ASIC2: variants seen among roughly 807,000 people sequenced by gnomAD.
ASIC2 encodes the protein acid-sensing ion channel 2.
ASIC2 carries 25 observed loss-of-function variants against 57.3 expected under a neutral mutation model. That is an observed-to-expected ratio of 0.44 (90% confidence interval 0.32 to 0.61). The LOEUF (loss-of-function observed/expected upper bound fraction) is 0.61, where lower values mean the gene tolerates loss of function less well. Ranked by LOEUF, ASIC2 falls within the 20% of genes least tolerant of loss-of-function variation. ASIC2 has a pLI of 0.06. For missense variants in ASIC2, 641 were observed against 738.1 expected, an observed-to-expected ratio of 0.87 and a Z score of 1.52; for synonymous variants, 319 against 307.5, an observed-to-expected ratio of 1.04 and a Z score of -0.39.
At chr17:33,274,864 T>C (rs1227979767) in intron 1 of ASIC2, among the ~76,000 whole-genome samples, 1 of 152,188 alleles carries the variant, frequency 6.6e-6, no homozygotes, top group Non-Finnish European at 1.5e-5. Context: ...TCTGGTCTCC[T>C]GGTTCCTAGC....
chr17:33,706,150 G>C (rs1455022597), intron 1 of ASIC2, among the ~76,000 whole-genome samples: 3 of 150,146 alleles, frequency 2.0e-5, no homozygotes, highest in African/African-American at 7.3e-5. Flanking sequence ...TACAACTTTT[G>C]GTTGAATCTG....
At chr17:33,094,629 A>G (rs942097421) in intron 2 of ASIC2, among the ~76,000 whole-genome samples, 2 of 152,172 alleles carry the variant, frequency 1.3e-5, no homozygotes, top group African/African-American at 4.8e-5. Context: ...CACAAAGGGA[A>G]GGACGGACAT....
intron 1 of ASIC2, among the ~76,000 whole-genome samples, chr17:33,964,528 C>T (rs1905022381): frequency 6.6e-6 from 1 of 152,264 alleles, no homozygotes; most frequent in African/African-American, 2.4e-5. Flanking sequence ...CACAAGGTGG[C>T]TGAGTGAGAA....
chr17:33,411,378 T>C (rs1266996405), intron 1 of ASIC2, among the ~76,000 whole-genome samples: 1 of 152,186 alleles, frequency 6.6e-6, no homozygotes, highest in Admixed American at 6.5e-5. Flanking sequence ...CAAATGAATA[T>C]CATTGCAACT....
At chr17:34,052,678 G>A (rs1190856886) in intron 1 of ASIC2, among the ~76,000 whole-genome samples, 6 of 151,118 alleles carry the variant, frequency 4.0e-5, no homozygotes, top group South Asian at 2.1e-4. Flanking sequence ...GTGCAATGGC[G>A]TGATCAAGGC....
Position 34,156,015 on chromosome 17 carries a change from A to C in ASIC2, c.518T>G (p.Phe173Cys). The change falls in exon 1 of 10, where the codon TTC becomes TGC. Residue 173 changes from phenylalanine to cysteine, a missense_variant. By Grantham distance (205) the Phe-to-Cys change is radical. Coordinates refer to the ASIC2 transcript ENST00000359872. The surrounding 1 kb of genome is among the most constrained non-coding windows in gnomAD (Gnocchi z 4.4). The stretch of plus-strand genomic sequence containing the variant: ...TTGGTGGCCGCACTCCTGCCCTTTG[A>C]ACTTGCAGTAGAGCATCATATCCTT... 6.2e-7 allele frequency: 1 copy of C among 1,613,490 alleles called. No homozygotes were observed. The highest frequency in any genetic ancestry group is 8.5e-7 in the Non-Finnish European group (1 of 1,179,752).
At chr17:33,283,109 C>T (rs1354330219) in intron 1 of ASIC2, among the ~76,000 whole-genome samples, 2 of 152,210 alleles carry the variant, frequency 1.3e-5, no homozygotes, top group African/African-American at 2.4e-5. Context: ...GAGGGCTTCC[C>T]CCAGAGCACT....
At chr17:33,021,335 T>C (rs750656939) in intron 6 of ASIC2, 25 bp from the exon 7 acceptor site, 1 of 1,543,564 alleles carries the variant, frequency 6.5e-7, no homozygotes, top group Admixed American at 1.7e-5. Context: ...GTCAGTACCA[T>C]ACATGGTTAG....
chr17:33,473,050 C>T (rs1913106214), intron 1 of ASIC2, among the ~76,000 whole-genome samples: 1 of 152,208 alleles, frequency 6.6e-6, no homozygotes, highest in African/African-American at 2.4e-5. Context: ...AGAGTCTGGC[C>T]ATAGGCATGC....
intron 1 of ASIC2, among the ~76,000 whole-genome samples, chr17:33,976,910 C>T (rs1452563103): frequency 6.6e-6 from 1 of 152,026 alleles, no homozygotes; most frequent in Non-Finnish European, 1.5e-5. Context: ...TGTGATCAGC[C>T]ATGCTAATTT....
At chr17:33,028,947 T>C (rs1169378072) in intron 3 of ASIC2, among the ~76,000 whole-genome samples, 2 of 152,216 alleles carry the variant, frequency 1.3e-5, no homozygotes, top group East Asian at 3.8e-4. Flanking sequence ...ACTTTCCAAG[T>C]CATGCTGTAG....
intron 2 of ASIC2, among the ~76,000 whole-genome samples, chr17:33,098,978 A>AATT (rs765656367): frequency 1.3e-5 from 2 of 148,542 alleles, no homozygotes; most frequent in African/African-American, 4.9e-5. Flanking sequence ...ATAAACAAAA[A>AATT]ATATATATAT....
intron 1 of ASIC2, among the ~76,000 whole-genome samples, chr17:33,423,581 A>G (rs559305515): frequency 1.3e-5 from 2 of 152,248 alleles, no homozygotes; most frequent in South Asian, 2.1e-4. Flanking sequence ...GTAGCACCCT[A>G]TGGTAGACTT....
chr17:33,959,651 G>A (rs1344726923), intron 1 of ASIC2, among the ~76,000 whole-genome samples: 1 of 152,200 alleles, frequency 6.6e-6, no homozygotes, highest in African/African-American at 2.4e-5. Context: ...GAAAGATAAA[G>A]GCTGGAAGAC....
chr17:33,520,476 A>T (rs1390911874), intron 1 of ASIC2, among the ~76,000 whole-genome samples: 2 of 152,196 alleles, frequency 1.3e-5, no homozygotes, highest in African/African-American at 4.8e-5. Flanking sequence ...TGTCCAACAC[A>T]CGAGGAGCTG....
At chr17:33,302,009 G>T (rs150059255) in intron 1 of ASIC2, among the ~76,000 whole-genome samples, 47 of 152,312 alleles carry the variant, frequency 3.1e-4, no homozygotes, top group African/African-American at 1.0e-3. Context: ...CCTCACAGGG[G>T]TTTGGTGTTC....
At chr17:33,239,700 A>G (rs888558697) in intron 1 of ASIC2, among the ~76,000 whole-genome samples, 8 of 152,306 alleles carry the variant, frequency 5.3e-5, no homozygotes, top group Middle Eastern at 3.4e-3. Flanking sequence ...AGTGATTACA[A>G]ATTTAGAAGA....
At chr17:33,894,422 C>T (rs1334591954) in intron 1 of ASIC2, among the ~76,000 whole-genome samples, 7 of 151,064 alleles carry the variant, frequency 4.6e-5, no homozygotes, top group Non-Finnish European at 5.9e-5. Flanking sequence ...TCCAGTATTA[C>T]ATATTTCCAA....
intron 1 of ASIC2, among the ~76,000 whole-genome samples, chr17:33,661,230 C>T (rs887370874): frequency 3.3e-5 from 5 of 152,110 alleles, no homozygotes; most frequent in African/African-American, 1.2e-4. Context: ...AACTTGGGCT[C>T]GTGTCTCGCA....
Sources: allele counts gnomAD v4.1 joint callset (sites outside exome capture counted in the v4.1 genomes callset), GRCh38; gene constraint gnomAD v4.1.1; non-coding constraint Gnocchi (gnomAD v3.1); transcripts MANE v1.5; gene names NCBI Gene and HGNC (gene_info 2026-07-23, HGNC 2026-07-21).